EVL: variants seen among roughly 807,000 people sequenced by gnomAD.
EVL encodes ena/VASP-like protein.
In EVL, 21 loss-of-function variants were observed where a neutral mutation model predicts 59.6. The observed-to-expected ratio is 0.35, with a 90% CI of 0.25 to 0.51. EVL has a LOEUF of 0.51. Among genes scored for constraint, EVL ranks in the 20% least tolerant of loss-of-function variants. The pLI, the probability that EVL is intolerant of heterozygous loss-of-function variation, is 0.97. For synonymous variants in EVL, 198 were observed against 203.5 expected (o/e 0.97, Z 0.23); for missense variants, 462 against 546.6 (o/e 0.85, Z 1.54).
intron 11 of EVL, chr14:100,140,225 A>G (rs1222093286): frequency 6.6e-6 from 1 of 152,260 alleles, no homozygotes; most frequent in Non-Finnish European, 1.5e-5. Context: ...TGACAGAGTG[A>G]GACCCTGTCT....
intron 1 of EVL, among the ~76,000 whole-genome samples, chr14:100,044,986 AG>A (rs2061526345): frequency 1.3e-5 from 2 of 152,304 alleles, no homozygotes; most frequent in South Asian, 4.1e-4. Context: ...TAAATACTGG[AG>A]CAAAAGCTAG....
intron 1 of EVL, among the ~76,000 whole-genome samples, chr14:100,025,666 G>A (rs1033823267): frequency 1.3e-5 from 2 of 152,156 alleles, no homozygotes; most frequent in African/African-American, 2.4e-5. Context: ...GGTGGCTCAC[G>A]CCTGTAACCC....
At chr14:100,000,569 G>C (rs764941610) in intron 1 of EVL, among the ~76,000 whole-genome samples, 1 of 151,998 alleles carries the variant, frequency 6.6e-6, no homozygotes, top group Non-Finnish European at 1.5e-5. Context: ...GAATGGTCCC[G>C]ATCTCCTGAC....
rs1476088774 is a variant in EVL at position 100,130,922 on chromosome 14, G to A, written c.839+1238G>A. Among the ~76,000 whole-genome samples the A allele has an allele frequency of 6.6e-6, 1 of 152,236 alleles. No homozygotes were observed. Among genetic ancestry groups the A allele is most frequent in the Non-Finnish European group, 1.5e-5 (1 of 68,046 alleles). On this transcript the variant is annotated intron_variant, in intron 7 of 13. Transcript: ENST00000392920. The surrounding 1 kb of genome is among the most constrained non-coding windows in gnomAD (Gnocchi z 4.8). ...CCTGTGAGAGTAAGTCCAGGTGTGT[G>A]GGGCTTACAGTGGCCACACAAAGGC...
chr14:100,034,524 A>T (rs560167730), intron 1 of EVL, among the ~76,000 whole-genome samples: 1 of 151,952 alleles, frequency 6.6e-6, no homozygotes, highest in Non-Finnish European at 1.5e-5. Context: ...TTGAAGTGGG[A>T]GGATCACTTG....
rs568567587 is a variant in EVL, at chr14:100,105,396, C to T, written c.358+7738C>T. Among the ~76,000 whole-genome samples the T allele has an allele frequency of 2.0e-3, 298 of 152,212 alleles. 1 individual carries two copies. The highest frequency in any genetic ancestry group is 6.8e-3 in the African/African-American group (284 of 41,538). On this transcript the variant is annotated intron_variant, in intron 3 of 13. Coordinates refer to ENST00000392920, the MANE Select transcript of EVL (RefSeq NM_016337.3). ...AGACTCAGGAGGCCTGGCTCTTGCC[C>T]TAGTCCCACCATCTGCTGACTGTGT...
In EVL at chr14:100,130,511, C is replaced by T. The variant is rs1212756768; in HGVS notation, c.839+827C>T. The stretch of plus-strand genomic sequence containing the variant: ...GGGGGCCCTGCTCCCTTGGTAACCC[C>T]ACCTCCACCCCCTGCCACTTTGTCG... On this transcript the variant is annotated intron_variant, in intron 7 of 13. Coordinates refer to ENST00000392920, the MANE Select transcript of EVL (RefSeq NM_016337.3). The surrounding 1 kb of genome is among the most constrained non-coding windows in gnomAD (Gnocchi z 4.8). 6.6e-6 allele frequency among the ~76,000 whole-genome samples: 1 copy of T among 152,214 alleles called. No individual in the cohort carries two copies. Among genetic ancestry groups the T allele is most frequent in the African/African-American group, 2.4e-5 (1 of 41,462 alleles).
At chr14:100,018,598 GGGCACACCC>G (rs2061071489) in intron 1 of EVL, among the ~76,000 whole-genome samples, 1 of 152,200 alleles carries the variant, frequency 6.6e-6, no homozygotes, top group East Asian at 1.9e-4. Flanking sequence ...GGGGCGCTGA[GGGCACACCC>G]AGGCTGCGTG....
chr14:100,070,088 G>GAAA (rs966300695), intron 1 of EVL, among the ~76,000 whole-genome samples: 11 of 149,360 alleles, frequency 7.4e-5, no homozygotes, highest in Non-Finnish European at 7.4e-5. Flanking sequence ...AAGAAAGAAA[G>GAAA]AAAATAAAAT....
Position 99,992,469 on chromosome 14 carries a change from A to G in EVL, c.5+20412A>G, listed in dbSNP as rs147599375. Among the ~76,000 whole-genome samples, 850 of 151,868 alleles carry G rather than the reference A, an allele frequency of 5.6e-3. 8 individuals are homozygous for G. The highest frequency in any genetic ancestry group is 0.019 in the African/African-American group (796 of 41,382). On this transcript the variant is annotated intron_variant, in intron 1 of 13. Coordinates refer to the EVL transcript ENST00000402714. ...AAATATGATTTAGTCTCATTTGTCTATTTTTGCTGTTGGTATTATATTCAG... is the reference window on the plus strand; with the variant it reads ...AAATATGATTTAGTCTCATTTGTCTGTTTTTGCTGTTGGTATTATATTCAG...
chr14:100,051,091 C>T (rs1272250910), intron 1 of EVL, among the ~76,000 whole-genome samples: 2 of 152,112 alleles, frequency 1.3e-5, no homozygotes, highest in African/African-American at 2.4e-5. Context: ...GCCTAATCCA[C>T]GGTTTTGCTT....
chr14:100,049,658 C>T (rs1296779151), intron 1 of EVL, among the ~76,000 whole-genome samples: 1 of 152,076 alleles, frequency 6.6e-6, no homozygotes, highest in Non-Finnish European at 1.5e-5. Flanking sequence ...ATATACATAC[C>T]ATAAAATCCA....
intron 2 of EVL, among the ~76,000 whole-genome samples, chr14:100,090,456 T>C (rs2062541243): frequency 6.6e-6 from 1 of 152,174 alleles, no homozygotes; most frequent in South Asian, 2.1e-4. Flanking sequence ...CTTACAACCA[T>C]GCTGTATAAC....
At chr14:100,132,580 C>A in intron 7 of EVL, 139 bp from the exon 8 acceptor site, 1 of 950,618 alleles carries the variant, frequency 1.1e-6, no homozygotes, top group Non-Finnish European at 1.7e-6. Flanking sequence ...CTAGACAAGC[C>A]GCCTCCTTCA....
At chr14:100,094,325 G>A (rs1045744019) in intron 2 of EVL, among the ~76,000 whole-genome samples, 7 of 152,118 alleles carry the variant, frequency 4.6e-5, no homozygotes, top group Admixed American at 4.6e-4. Context: ...TCTGGATTAG[G>A]CGTCATCTGC....
In EVL at chr14:100,128,607, C is replaced by G; in HGVS notation, c.576C>G (p.Val192=). The G allele has an allele frequency of 7.0e-7, 1 of 1,422,984 alleles. No individual in the cohort carries two copies. The highest frequency in any genetic ancestry group is 9.6e-7 in the Non-Finnish European group (1 of 1,043,898). The allele number at this position is 1,422,984 out of a possible 1,614,324, so 88.1% of individuals were successfully genotyped here. Residue 192 remains valine (V), a synonymous_variant, in exon 6 of 14, where the codon GTC becomes GTG. Coordinates refer to ENST00000392920, the MANE Select transcript of EVL (RefSeq NM_016337.3). ...CTCCACCGCCCCCCCCACCCCCAGT[C>G]CCACCTCCACCCACTGGGGCTACCC... ...SGPPPPPPPP[V]PPPPTGATPP...
intron 1 of EVL, among the ~76,000 whole-genome samples, chr14:100,000,530 G>GTA (rs2060940110): frequency 6.6e-6 from 1 of 152,030 alleles, no homozygotes; most frequent in South Asian, 2.1e-4. Context: ...TGTATTTTTA[G>GTA]TAAAGACGGG....
intron 13 of EVL, 59 bp from the exon 14 acceptor site, chr14:100,143,642 T>G (rs996752588): frequency 3.1e-5 from 49 of 1,605,068 alleles, no homozygotes; most frequent in Non-Finnish European, 4.1e-5. Context: ...GGGGCCCTGA[T>G]GAGGAACCGG....
chr14:100,019,834 G>C (rs1375771577), intron 1 of EVL: 1 of 761,204 alleles, frequency 1.3e-6, no homozygotes, highest in Non-Finnish European at 2.1e-6. Context: ...TCCCAGTCAT[G>C]GGGGTGGGAG....
Sources: allele counts gnomAD v4.1 joint callset (sites outside exome capture counted in the v4.1 genomes callset), GRCh38; gene constraint gnomAD v4.1.1; non-coding constraint Gnocchi (gnomAD v3.1); transcripts MANE v1.5; gene names NCBI Gene and HGNC (gene_info 2026-07-23, HGNC 2026-07-21).